DDAH1: variants seen among roughly 807,000 people sequenced by gnomAD.
The protein encoded by DDAH1 is dimethylarginine dimethylaminohydrolase 1.
DDAH1 carries 19 observed loss-of-function variants against 28.8 expected under a neutral mutation model. The observed-to-expected ratio is 0.66, with a 90% CI of 0.46 to 0.97. DDAH1 has a LOEUF of 0.97. DDAH1 is among the 50% of genes least tolerant of loss of function. The pLI is 0.00. For synonymous variants in DDAH1, 153 were observed against 154.4 expected (o/e 0.99, Z 0.07); for missense variants, 326 against 375.9 (o/e 0.87, Z 1.10).
At chr1:85,428,412 A>G (rs1653512722) in intron 1 of DDAH1, among the ~76,000 whole-genome samples, 1 of 152,130 alleles carries the variant, frequency 6.6e-6, no homozygotes, top group Non-Finnish European at 1.5e-5. Context: ...TTATAAAACC[A>G]TCAGAACTCA....
At chr1:85,528,068 T>C (rs568948315) in intron 1 of DDAH1, among the ~76,000 whole-genome samples, 282 of 152,116 alleles carry the variant, frequency 1.9e-3, no homozygotes, top group South Asian at 3.5e-3. Flanking sequence ...ATTTTACCTT[T>C]ATTTTGAACT....
chr1:85,474,716 T>A (rs1655735719), intron 2 of DDAH1, among the ~76,000 whole-genome samples: 1 of 152,178 alleles, frequency 6.6e-6, no homozygotes, highest in South Asian at 2.1e-4. Flanking sequence ...GTGTAGAGAA[T>A]GGCTGAATTA....
chr1:85,490,009 T>C (rs986124094), intron 2 of DDAH1, among the ~76,000 whole-genome samples: 5 of 152,184 alleles, frequency 3.3e-5, no homozygotes, highest in African/African-American at 1.2e-4. Context: ...TCTCATTTGA[T>C]ACTGTTTCAA....
Position 85,529,999 on chromosome 1 carries a change from C to T in DDAH1, c.-122-33718G>A, listed in dbSNP as rs533027944. ...GCTCTGTGGGAAGGACCCTGGGCAT[C>T]TTGGAGGGGTTGGAAACTGCTGACC... On this transcript the variant is annotated intron_variant, in intron 1 of 6. Transcript: ENST00000426972. 1.1e-4 allele frequency among the ~76,000 whole-genome samples: 15 copies of T among 138,000 alleles called. No individual in the cohort carries two copies. The East Asian group carries it at 3.2e-3, about 30-fold the overall frequency. 90.5% of individuals were successfully genotyped at this position (138,000 alleles called of 152,430 possible). A position where few individuals can be genotyped will look rare whatever the true frequency, so the allele number is the denominator to read the frequency against.
At chr1:85,469,307 A>C (rs1655534931), upstream of DDAH1, among the ~76,000 whole-genome samples, 1 of 152,174 alleles carries the variant, frequency 6.6e-6, no homozygotes, top group Non-Finnish European at 1.5e-5. Context: ...AGCTGTGGGG[A>C]GGCATATGGT....
chr1:85,473,296 C>A (rs910078839), intron 2 of DDAH1, among the ~76,000 whole-genome samples: 1 of 152,002 alleles, frequency 6.6e-6, no homozygotes, highest in Non-Finnish European at 1.5e-5. Flanking sequence ...GCTATTTTTT[C>A]AGTTTTTCAG....
intron 1 of DDAH1, among the ~76,000 whole-genome samples, chr1:85,416,261 T>A (rs183569166): frequency 5.9e-5 from 8 of 135,506 alleles, no homozygotes; most frequent in African/African-American, 2.1e-4. Flanking sequence ...TTTTTTTGGG[T>A]TTTTTTTTGA....
chr1:85,390,356 C>G (rs1344460016), intron 1 of DDAH1, among the ~76,000 whole-genome samples: 4 of 152,200 alleles, frequency 2.6e-5, no homozygotes, highest in Non-Finnish European at 2.9e-5. Flanking sequence ...ACTGCACCAT[C>G]CTCTACTCCA....
intron 1 of DDAH1, among the ~76,000 whole-genome samples, chr1:85,457,338 C>T (rs1456652494): frequency 6.6e-6 from 1 of 152,158 alleles, no homozygotes; most frequent in Non-Finnish European, 1.5e-5. Context: ...TCTGGGAAGC[C>T]TTGGTGTGGG....
chr1:85,569,175 G>A (rs1251673538), intron 1 of DDAH1, among the ~76,000 whole-genome samples: 1 of 152,210 alleles, frequency 6.6e-6, no homozygotes, highest in Non-Finnish European at 1.5e-5. Flanking sequence ...AGAGGCTTAT[G>A]TCTCCTTTCT....
At chr1:85,467,341 C>T (rs1655424823), upstream of DDAH1, 1 of 152,204 alleles carries the variant, frequency 6.6e-6, no homozygotes, top group African/African-American at 2.4e-5. Flanking sequence ...CTGAGTCTAA[C>T]TATGAACAGG....
chr1:85,417,938 ACCAC>A (rs1333027966), intron 1 of DDAH1, among the ~76,000 whole-genome samples: 2 of 152,244 alleles, frequency 1.3e-5, no homozygotes, highest in Non-Finnish European at 2.9e-5. Flanking sequence ...ATATTTACAT[ACCAC>A]ATACCATTCT....
At chr1:85,415,677 G>A (rs1419532324) in intron 1 of DDAH1, among the ~76,000 whole-genome samples, 2 of 152,102 alleles carry the variant, frequency 1.3e-5, no homozygotes, top group African/African-American at 2.4e-5. Context: ...ATATTATTTG[G>A]GGGGAAATAG....
chr1:85,555,200 A>C (rs1658925754), intron 1 of DDAH1, among the ~76,000 whole-genome samples: 1 of 152,252 alleles, frequency 6.6e-6, no homozygotes, highest in Non-Finnish European at 1.5e-5. Context: ...AAAAAGAAAG[A>C]AACCTCCTTG....
chr1:85,350,568 A>G (rs758363598), intron 3 of DDAH1, 34 bp from the exon 4 acceptor site: 11 of 1,604,902 alleles, frequency 6.9e-6, no homozygotes, highest in Non-Finnish European at 7.6e-6. Context: ...GCAGTTTAGT[A>G]TTGCAGAATA....
chr1:85,461,386 CA>C (rs532935649), intron 1 of DDAH1, among the ~76,000 whole-genome samples: 4 of 152,136 alleles, frequency 2.6e-5, no homozygotes, highest in Non-Finnish European at 5.9e-5. Context: ...TGGGCTTTCA[CA>C]GGAATACTTT....
chr1:85,368,812 A>C (rs966563211), intron 1 of DDAH1, among the ~76,000 whole-genome samples: 4 of 152,204 alleles, frequency 2.6e-5, no homozygotes, highest in African/African-American at 7.2e-5. Flanking sequence ...ATGATCCAAA[A>C]TAAGCACCAG....
intron 1 of DDAH1, among the ~76,000 whole-genome samples, chr1:85,548,543 A>T (rs1186201774): frequency 6.6e-6 from 1 of 152,212 alleles, no homozygotes; most frequent in Non-Finnish European, 1.5e-5. Context: ...TCATATCTGC[A>T]AGGGTTAATA....
At chr1:85,497,618 T>G (rs1259504356) in intron 1 of DDAH1, among the ~76,000 whole-genome samples, 2 of 152,226 alleles carry the variant, frequency 1.3e-5, no homozygotes, top group Admixed American at 1.3e-4. Context: ...AATGTGAACA[T>G]ATATTTTAAC....
Sources: gnomAD v4.1 joint callset for allele counts (sites outside exome capture counted in the v4.1 genomes callset) on GRCh38, gnomAD v4.1.1 for gene constraint, MANE v1.5 for transcripts, NCBI Gene and HGNC (gene_info 2026-07-23, HGNC 2026-07-21) for gene names.